The following XKR6 variants were observed in gnomAD, a reference collection of about 807,000 sequenced individuals.
XKR6 encodes XK-related protein 6.
In XKR6, 22 loss-of-function variants were observed where a neutral mutation model predicts 56.7. The ratio of observed to expected loss-of-function variants is 0.39; its 90% CI spans 0.28 to 0.55. The LOEUF is 0.55. Among genes scored for constraint, XKR6 ranks in the 20% least tolerant of loss-of-function variants. The pLI is 0.66. For missense variants in XKR6, 852 were observed against 889.0 expected, an observed-to-expected ratio of 0.96 and a Z score of 0.53; for synonymous variants, 524 against 387.8, an observed-to-expected ratio of 1.35 and a Z score of -4.13.
intron 1 of XKR6, among the ~76,000 whole-genome samples, chr8:11,065,757 G>C (rs946531877): frequency 1.3e-5 from 2 of 152,142 alleles, no homozygotes; most frequent in Non-Finnish European, 2.9e-5. Flanking sequence ...AACTCAGCCT[G>C]GGAACTGGAA....
intron 1 of XKR6, among the ~76,000 whole-genome samples, chr8:11,012,075 A>T (rs1014468116): frequency 6.6e-6 from 1 of 152,212 alleles, no homozygotes; most frequent in Non-Finnish European, 1.5e-5. Context: ...TTTGGGACAC[A>T]ACAGGCAGGG....
At chr8:10,903,564 G>C (rs1800102353) in intron 2 of XKR6, among the ~76,000 whole-genome samples, 1 of 152,176 alleles carries the variant, frequency 6.6e-6, no homozygotes, top group African/African-American at 2.4e-5. Flanking sequence ...GAATGTGGCT[G>C]TGTTTAGAGA....
intron 1 of XKR6, among the ~76,000 whole-genome samples, chr8:11,100,088 G>A (rs919428287): frequency 6.6e-6 from 1 of 152,152 alleles, no homozygotes; most frequent in Admixed American, 6.5e-5. Flanking sequence ...GTCTAACTCT[G>A]TCGCCCAGGG....
intron 2 of XKR6, among the ~76,000 whole-genome samples, chr8:10,918,352 G>A (rs149541648): frequency 6.6e-6 from 1 of 152,340 alleles, no homozygotes; most frequent in Non-Finnish European, 1.5e-5. Context: ...GCCAAGTTCT[G>A]GGCAGAGACT....
chr8:11,140,714 G>T (rs111637109), intron 1 of XKR6, among the ~76,000 whole-genome samples: 1 of 151,894 alleles, frequency 6.6e-6, no homozygotes, highest in Non-Finnish European at 1.5e-5. Flanking sequence ...TGGCTAACAC[G>T]GTGAAACCCG....
chr8:10,933,694 G>T (rs1006371727), intron 1 of XKR6, among the ~76,000 whole-genome samples: 1 of 147,474 alleles, frequency 6.8e-6, no homozygotes, highest in African/African-American at 2.6e-5. Flanking sequence ...GTTTGTCAAA[G>T]ATCAGATAGT....
intron 1 of XKR6, among the ~76,000 whole-genome samples, chr8:10,943,590 C>G (rs770204431): frequency 5.5e-4 from 83 of 152,240 alleles, no homozygotes; most frequent in Admixed American, 1.0e-3. Flanking sequence ...GGTGAAATTC[C>G]ACCCCTCGCT....
intron 1 of XKR6, among the ~76,000 whole-genome samples, chr8:11,184,898 A>G (rs931675328): frequency 1.3e-5 from 2 of 152,166 alleles, no homozygotes; most frequent in Non-Finnish European, 2.9e-5. Context: ...ACCAAATAGA[A>G]TTCCATATAT....
At chr8:11,177,200 C>A (rs1215055880) in intron 1 of XKR6, among the ~76,000 whole-genome samples, 2 of 152,226 alleles carry the variant, frequency 1.3e-5, no homozygotes, top group Admixed American at 1.3e-4. Context: ...GTGCAACAGG[C>A]TGTGTAACCT....
chr8:11,129,189 C>T, intron 1 of XKR6: 2 of 352,130 alleles, frequency 5.7e-6, no homozygotes, highest in South Asian at 4.4e-5. Flanking sequence ...GTGATGGTTG[C>T]TCAACATTGT....
intron 1 of XKR6, among the ~76,000 whole-genome samples, chr8:11,025,271 TG>T (rs2129149812): frequency 6.6e-6 from 1 of 152,366 alleles, no homozygotes; most frequent in African/African-American, 2.4e-5. Context: ...TTCAATTCAG[TG>T]GTTACGTTTG....
chr8:11,101,236 A>G (rs1046480128), intron 1 of XKR6, among the ~76,000 whole-genome samples: 2 of 152,234 alleles, frequency 1.3e-5, no homozygotes, highest in Admixed American at 6.5e-5. Context: ...AACTGAGTTT[A>G]TAAGAGTCAA....
At chr8:11,016,257 C>G (rs964269562) in intron 1 of XKR6, among the ~76,000 whole-genome samples, 1 of 152,200 alleles carries the variant, frequency 6.6e-6, no homozygotes, top group African/African-American at 2.4e-5. Context: ...GGCCGGGGGC[C>G]TCTGCGTCCC....
At chr8:11,188,355 A>C (rs1020055730) in intron 1 of XKR6, among the ~76,000 whole-genome samples, 4 of 152,222 alleles carry the variant, frequency 2.6e-5, no homozygotes, top group African/African-American at 9.7e-5. Context: ...ACAGTCCACA[A>C]ATGCTACAAA....
At chr8:10,985,209 G>A (rs896050244) in intron 1 of XKR6, among the ~76,000 whole-genome samples, 1 of 152,018 alleles carries the variant, frequency 6.6e-6, no homozygotes, top group Non-Finnish European at 1.5e-5. Flanking sequence ...CACATGTCAC[G>A]GGAGGGACCT....
intron 1 of XKR6, among the ~76,000 whole-genome samples, chr8:10,964,870 G>A (rs989747069): frequency 1.8e-4 from 28 of 152,348 alleles, no homozygotes; most frequent in Middle Eastern, 3.4e-3. Context: ...CATAGCCCAC[G>A]TCTGTGAGAA....
chr8:10,950,924 G>A (rs1356641031), intron 1 of XKR6, among the ~76,000 whole-genome samples: 1 of 152,202 alleles, frequency 6.6e-6, no homozygotes, highest in Non-Finnish European at 1.5e-5. Context: ...GAAGCCTGAG[G>A]TGCAGAGACG....
intron 1 of XKR6, among the ~76,000 whole-genome samples, chr8:11,078,739 G>T (rs1005607930): frequency 2.0e-5 from 3 of 152,212 alleles, no homozygotes; most frequent in Admixed American, 6.5e-5. Flanking sequence ...GGACCCGTTA[G>T]GAAATTCTGG....
At chr8:10,906,975 G>A (rs1229245745) in intron 2 of XKR6, among the ~76,000 whole-genome samples, 3 of 152,140 alleles carry the variant, frequency 2.0e-5, no homozygotes, top group African/African-American at 7.2e-5. Flanking sequence ...TTGAACCTGG[G>A]AGGTGGAGGT....
Sources: gnomAD v4.1 joint callset for allele counts (sites outside exome capture counted in the v4.1 genomes callset) on GRCh38, gnomAD v4.1.1 for gene constraint, MANE v1.5 for transcripts, NCBI Gene and HGNC (gene_info 2026-07-23, HGNC 2026-07-21) for gene names.